The following KCNH8 variants were observed in gnomAD, a reference collection of about 807,000 sequenced individuals.
The protein encoded by KCNH8 is voltage-gated delayed rectifier potassium channel KCNH8.
A neutral mutation model predicts 103.6 loss-of-function variants in KCNH8; 70 were observed. That is an observed-to-expected ratio of 0.68 (90% CI 0.56 to 0.82). The LOEUF (loss-of-function observed/expected upper bound fraction) is 0.82, where lower values mean the gene tolerates loss of function less well. Ranked by LOEUF, KCNH8 falls within the 40% of genes least tolerant of loss-of-function variation. The pLI, the probability that KCNH8 is intolerant of heterozygous loss-of-function variation, is 0.00. For synonymous variants in KCNH8, 498 were observed against 489.4 expected, an observed-to-expected ratio of 1.02 and a Z score of -0.23; for missense variants, 1,217 against 1,329.9, an observed-to-expected ratio of 0.92 and a Z score of 1.32.
At chr3:19,470,089 G>T (rs1238009110) in intron 11 of KCNH8, among the ~76,000 whole-genome samples, 1 of 151,904 alleles carries the variant, frequency 6.6e-6, no homozygotes, top group Non-Finnish European at 1.5e-5. Context: ...CTTATTTTAG[G>T]ATAGAACTAG....
chr3:19,277,464 T>C (rs1014545523), intron 2 of KCNH8, among the ~76,000 whole-genome samples: 10 of 152,038 alleles, frequency 6.6e-5, no homozygotes, highest in Non-Finnish European at 1.2e-4. Flanking sequence ...CTTGGGAGGC[T>C]GAGGTGGCAG....
At chr3:19,427,421 T>A (rs1488892616) in intron 7 of KCNH8, among the ~76,000 whole-genome samples, 1 of 152,194 alleles carries the variant, frequency 6.6e-6, no homozygotes, top group Admixed American at 6.5e-5. Flanking sequence ...CAAATGCCAA[T>A]GAATGGTATG....
At chr3:19,437,462 T>G (rs1042907277) in intron 7 of KCNH8, among the ~76,000 whole-genome samples, 2 of 152,300 alleles carry the variant, frequency 1.3e-5, no homozygotes, top group African/African-American at 2.4e-5. Context: ...TTTGATAAAT[T>G]TTGACACATA....
At chr3:19,487,525 C>G in intron 11 of KCNH8, among the ~76,000 whole-genome samples, 1 of 152,142 alleles carries the variant, frequency 6.6e-6, no homozygotes, top group Middle Eastern at 3.2e-3. Flanking sequence ...TCTCTGGGAA[C>G]CGGATACTGC....
intron 1 of KCNH8, among the ~76,000 whole-genome samples, chr3:19,186,024 G>C (rs1258495975): frequency 1.3e-5 from 2 of 152,004 alleles, no homozygotes; most frequent in East Asian, 3.9e-4. Context: ...ACAAACTTTA[G>C]TGTCTCATGG....
chr3:19,504,846 C>T (rs1186744161), intron 11 of KCNH8, among the ~76,000 whole-genome samples: 1 of 151,762 alleles, frequency 6.6e-6, no homozygotes, highest in African/African-American at 2.4e-5. Context: ...AATGAATATA[C>T]ATTGTTCTAC....
At chr3:19,491,497 A>T (rs1461265232) in intron 11 of KCNH8, among the ~76,000 whole-genome samples, 1 of 152,208 alleles carries the variant, frequency 6.6e-6, no homozygotes, top group African/African-American at 2.4e-5. Flanking sequence ...TTGCTGTGAA[A>T]GACATGATTT....
At chr3:19,513,711 T>C (rs1002923825) in intron 13 of KCNH8, among the ~76,000 whole-genome samples, 1 of 152,122 alleles carries the variant, frequency 6.6e-6, no homozygotes, top group African/African-American at 2.4e-5. Flanking sequence ...AAGCAATGAG[T>C]TGAAATTAGG....
At chr3:19,189,508 A>G (rs894901344) in intron 1 of KCNH8, among the ~76,000 whole-genome samples, 3 of 151,978 alleles carry the variant, frequency 2.0e-5, no homozygotes, top group Non-Finnish European at 4.4e-5. Flanking sequence ...TATTTTAAAT[A>G]ATTAGTTTTT....
chr3:19,178,068 C>G (rs773253871), intron 1 of KCNH8, among the ~76,000 whole-genome samples: 5 of 151,772 alleles, frequency 3.3e-5, no homozygotes, highest in African/African-American at 1.2e-4. Flanking sequence ...TAATTTATGC[C>G]TTCTAGCGAC....
intron 11 of KCNH8, among the ~76,000 whole-genome samples, chr3:19,506,516 T>TG (rs1325133568): frequency 6.6e-6 from 1 of 152,200 alleles, no homozygotes; most frequent in Non-Finnish European, 1.5e-5. Flanking sequence ...CTTGACCATG[T>TG]GGCTCCTCTG....
At chr3:19,271,537 A>G (rs1314330773) in intron 2 of KCNH8, among the ~76,000 whole-genome samples, 1 of 152,146 alleles carries the variant, frequency 6.6e-6, no homozygotes, top group African/African-American at 2.4e-5. Context: ...TTAAAACTAA[A>G]CCATAATTGT....
At chr3:19,350,888 C>T (rs930264418) in intron 5 of KCNH8, among the ~76,000 whole-genome samples, 10 of 152,032 alleles carry the variant, frequency 6.6e-5, no homozygotes, top group East Asian at 3.9e-4. Context: ...ATGACTTTGA[C>T]GAGTTGAGAG....
At chr3:19,237,159 A>C (rs1422998241) in intron 1 of KCNH8, among the ~76,000 whole-genome samples, 1 of 152,166 alleles carries the variant, frequency 6.6e-6, no homozygotes, top group Non-Finnish European at 1.5e-5. Context: ...ACTTGATAGG[A>C]GGTCACAGGT....
At chr3:19,419,713 C>A (rs1186140430) in intron 7 of KCNH8, among the ~76,000 whole-genome samples, 2 of 151,648 alleles carry the variant, frequency 1.3e-5, no homozygotes, top group South Asian at 2.1e-4. Context: ...TACGAAGGCC[C>A]CCATTTTAAA....
At chr3:19,204,086 G>T (rs1312123679) in intron 1 of KCNH8, among the ~76,000 whole-genome samples, 1 of 151,722 alleles carries the variant, frequency 6.6e-6, no homozygotes, top group African/African-American at 2.4e-5. Context: ...TATTTGCATT[G>T]CTCCCATTCA....
intron 1 of KCNH8, among the ~76,000 whole-genome samples, chr3:19,201,803 A>G (rs1165167728): frequency 6.6e-6 from 1 of 152,136 alleles, no homozygotes; most frequent in Non-Finnish European, 1.5e-5. Context: ...TTTTTGCTTC[A>G]CTAAGTTCCA....
At chr3:19,257,783 A>G (rs532096408) in intron 2 of KCNH8, among the ~76,000 whole-genome samples, 55 of 152,236 alleles carry the variant, frequency 3.6e-4, no homozygotes, top group African/African-American at 1.2e-3. Context: ...AAAGTACCAC[A>G]AACTGAGTGG....
Position 19,391,369 on chromosome 3 carries a change from G to T in KCNH8, c.969+731G>T, listed in dbSNP as rs139829342. The stretch of plus-strand genomic sequence containing the variant: ...AAAGTATTAAATGCTCCCTTATAAA[G>T]AAACTTTTAGGGAGGCCATTTGTGA... On this transcript the variant is annotated intron_variant, in intron 6 of 15. Coordinates refer to ENST00000328405, the MANE Select transcript of KCNH8 (RefSeq NM_144633.3). Among the ~76,000 whole-genome samples, 1,035 of 152,048 alleles carry T rather than the reference G, an allele frequency of 6.8e-3. 13 individuals carry two copies. Among genetic ancestry groups the T allele is most frequent in the African/African-American group, 0.023 (966 of 41,506 alleles).
Sources: gnomAD v4.1 joint callset for allele counts (sites outside exome capture counted in the v4.1 genomes callset) on GRCh38, gnomAD v4.1.1 for gene constraint, MANE v1.5 for transcripts, NCBI Gene and HGNC (gene_info 2026-07-23, HGNC 2026-07-21) for gene names.